Variants in TRAF2 observed in about 807,000 individuals in gnomAD.
TRAF2 encodes TNF receptor-associated factor 2.
Under a neutral mutation model 55.6 loss-of-function variants are expected in TRAF2, and 6 were observed. That is an observed-to-expected ratio of 0.11 (90% CI 0.06 to 0.21). The LOEUF is 0.21. Among genes scored for constraint, TRAF2 ranks in the 10% least tolerant of loss-of-function variants. TRAF2 has a pLI of 1.00. For missense variants in TRAF2, 561 were observed against 684.5 expected, an observed-to-expected ratio of 0.82 and a Z score of 2.01; for synonymous variants, 329 against 276.3, an observed-to-expected ratio of 1.19 and a Z score of -1.89.
intron 1 of TRAF2, among the ~76,000 whole-genome samples, chr9:136,897,397 G>A (rs1849704007): frequency 1.3e-5 from 2 of 152,232 alleles, no homozygotes; most frequent in Admixed American, 6.5e-5. Flanking sequence ...CAAGGTGCCA[G>A]GGCAGGGCTG....
In TRAF2 at chr9:136,898,926, C is replaced by T. The variant is rs1368617847; in HGVS notation, c.186C>T (p.Leu62=). 1 of 1,604,682 alleles carries T rather than the reference C, an allele frequency of 6.2e-7. No homozygotes were observed. Among genetic ancestry groups the T allele is most frequent in the East Asian group, 2.2e-5 (1 of 44,460 alleles). The change falls in exon 2 of 11, where the codon CTC becomes CTT. Residue 62 remains leucine, a splice_region_variant and synonymous_variant. Transcript: ENST00000247668. ...GCTCCTTCTGCCTGGCCAGCATCCTCAGGTGCATGGGGCCTGCAGGCTGGG... is the reference window on the plus strand; with the variant it reads ...GCTCCTTCTGCCTGGCCAGCATCCTTAGGTGCATGGGGCCTGCAGGCTGGG... ...RYCSFCLASI[L]SSGPQNCAAC...
chr9:136,912,821 AGT>A, intron 6 of TRAF2, among the ~76,000 whole-genome samples: 1 of 152,248 alleles, frequency 6.6e-6, no homozygotes, highest in Non-Finnish European at 1.5e-5. Flanking sequence ...TGGGTGACAG[AGT>A]GAGAGCCTGT....
chr9:136,925,214 A>G (rs946340859), intron 10 of TRAF2, among the ~76,000 whole-genome samples: 1 of 152,164 alleles, frequency 6.6e-6, no homozygotes, highest in Non-Finnish European at 1.5e-5. Flanking sequence ...TGGAGGGCCC[A>G]CAGGCCCTTG....
intron 10 of TRAF2, among the ~76,000 whole-genome samples, chr9:136,924,928 G>A (rs558976948): frequency 2.2e-4 from 33 of 152,156 alleles, no homozygotes; most frequent in South Asian, 1.9e-3. Context: ...TAGTAGAGAT[G>A]GGGTTTCTCC....
intron 4 of TRAF2, 57 bp from the exon 5 acceptor site, chr9:136,908,013 G>T: frequency 6.4e-7 from 1 of 1,553,952 alleles, no homozygotes; most frequent in Non-Finnish European, 8.7e-7. Flanking sequence ...GGGTGAAGCT[G>T]TGGCTGCCCA....
chr9:136,908,115 G>A lies in TRAF2; in HGVS notation c.412G>A (p.Ala138Thr), dbSNP rs138185376. 1.3e-3 allele frequency: 2,079 copies of A among 1,606,018 alleles called. 14 individuals carry two copies. Among genetic ancestry groups the A allele is most frequent in the South Asian group, 9.6e-3 (875 of 91,076 alleles). ...CCCGCTCATGCTGACCGAATGTCCC[G>A]CGTGCAAAGGCCTGGTCCGCCTTGG... ...RCPLMLTECP[A>T]CKGLVRLGEK... The change falls in exon 5 of 11, where the codon GCG becomes ACG. Residue 138 changes from alanine (A) to threonine (T), a missense_variant. By Grantham distance (58) the Ala-to-Thr change is moderately conservative. Around this residue, in one of 2 missense-constraint regions of TRAF2, gnomAD observed 426 missense variants for 476.8 expected, o/e 0.89. Transcript: ENST00000247668.
chr9:136,895,384 GAGC>G (rs979388809), intron 1 of TRAF2, among the ~76,000 whole-genome samples: 1 of 152,236 alleles, frequency 6.6e-6, no homozygotes, highest in African/African-American at 2.4e-5. Context: ...AAGGACAGCA[GAGC>G]AGGTGTGCAG....
upstream of TRAF2, chr9:136,882,849 T>A: frequency 1.8e-6 from 1 of 549,702 alleles, no homozygotes; most frequent in Non-Finnish European, 2.3e-6. Flanking sequence ...TGGTATCAAC[T>A]TGCTATGCCT....
At chr9:136,891,698 G>A (rs1849582924) in intron 1 of TRAF2, among the ~76,000 whole-genome samples, 1 of 151,742 alleles carries the variant, frequency 6.6e-6, no homozygotes, top group African/African-American at 2.4e-5. Flanking sequence ...CAGTGACATT[G>A]GGAAAAAAGA....
intron 6 of TRAF2, 142 bp downstream of exon 6, chr9:136,910,136 T>C: frequency 3.2e-6 from 3 of 925,064 alleles, no homozygotes; most frequent in Non-Finnish European, 5.0e-6. Flanking sequence ...CGTTGGGTCA[T>C]GGATGCGTTC....
intron 10 of TRAF2, 149 bp from the exon 11 acceptor site, chr9:136,925,534 C>T (rs17244299): frequency 4.6e-5 from 35 of 760,588 alleles, no homozygotes; most frequent in Middle Eastern, 3.8e-4. Context: ...AGCAAGGCCG[C>T]CCACCACGTG....
chr9:136,924,039 G>C (rs577984996), intron 10 of TRAF2, 39 bp downstream of exon 10: 45 of 1,605,844 alleles, frequency 2.8e-5, no homozygotes, highest in Middle Eastern at 4.2e-4. Context: ...GGCCGCACCT[G>C]GGAGTCCCTC....
intron 1 of TRAF2, among the ~76,000 whole-genome samples, chr9:136,896,696 A>G (rs1423289612): frequency 1.3e-5 from 2 of 152,028 alleles, no homozygotes; most frequent in East Asian, 3.9e-4. Flanking sequence ...GCTGGAGCAC[A>G]GTGGCGCGAT....
intron 1 of TRAF2, among the ~76,000 whole-genome samples, chr9:136,895,243 G>C (rs1004289889): frequency 6.6e-6 from 1 of 152,212 alleles, no homozygotes; most frequent in African/African-American, 2.4e-5. Flanking sequence ...ACACAGTGGT[G>C]CTTCGTTTTC....
upstream of TRAF2, among the ~76,000 whole-genome samples, chr9:136,882,250 A>AGGGCAGACGC (rs545997584): frequency 9.1e-4 from 138 of 152,158 alleles, no homozygotes; most frequent in Middle Eastern, 0.01. Context: ...CTGGGCACAG[A>AGGGCAGACGC]GGGCAGACGC....
intron 1 of TRAF2, among the ~76,000 whole-genome samples, chr9:136,894,508 C>G (rs1588420556): frequency 6.6e-6 from 1 of 152,000 alleles, no homozygotes; most frequent in Admixed American, 6.6e-5. Context: ...GGCAGGTGTG[C>G]AGATCCATAG....
intron 1 of TRAF2, among the ~76,000 whole-genome samples, chr9:136,888,306 C>G (rs901587656): frequency 6.6e-6 from 1 of 152,184 alleles, no homozygotes; most frequent in Non-Finnish European, 1.5e-5. Flanking sequence ...CCATTGACGC[C>G]TGTAGTCCCA....
At chr9:136,924,996 C>G (rs773794987) in intron 10 of TRAF2, among the ~76,000 whole-genome samples, 11 of 152,240 alleles carry the variant, frequency 7.2e-5, no homozygotes, top group Non-Finnish European at 1.5e-5. Flanking sequence ...CTTGGCCTCC[C>G]AAAGTGCTGG....
Position 136,897,289 on chromosome 9 carries a change from G to A in TRAF2, c.-28-1424G>A, listed in dbSNP as rs182600178. Among the ~76,000 whole-genome samples, 3 of 93,582 alleles carry A rather than the reference G, an allele frequency of 3.2e-5. No homozygotes were observed. In the East Asian group the frequency reaches 1.0e-3, roughly 31 times the overall value. The allele number at this position is 93,582 out of a possible 152,430, so 61.4% of individuals were successfully genotyped here. ...GCACTGAGTGGCTGAGGCCATCACTGGTGGCCTTGGTGCTTAGGCAGAAGG... is the reference window on the plus strand; with the variant it reads ...GCACTGAGTGGCTGAGGCCATCACTAGTGGCCTTGGTGCTTAGGCAGAAGG... On this transcript the variant is annotated intron_variant, in intron 1 of 10. Transcript: ENST00000247668.
Sources: gnomAD v4.1 joint callset for allele counts (sites outside exome capture counted in the v4.1 genomes callset) on GRCh38, gnomAD v4.1.1 for gene constraint, gnomAD v4.1.1 regional missense constraint, MANE v1.5 for transcripts, NCBI Gene and HGNC (gene_info 2026-07-23, HGNC 2026-07-21) for gene names.